PCM1: variants seen among roughly 807,000 people sequenced by gnomAD.
The protein encoded by PCM1 is pericentriolar material 1.
In PCM1, 157 loss-of-function variants were observed where a neutral mutation model predicts 241.9. The observed-to-expected ratio is 0.65, with a 90% confidence interval of 0.57 to 0.74. The LOEUF (loss-of-function observed/expected upper bound fraction) is 0.74. PCM1 is among the 30% of genes least tolerant of loss of function. The pLI is 0.00. For synonymous variants in PCM1, 1,085 were observed against 784.9 expected (o/e 1.38, Z -6.39); for missense variants, 3,478 against 2,360.1 (o/e 1.47, Z -9.81).
At position 18,014,707 on chromosome 8, in the gene PCM1, C is replaced by T. The variant is rs773298054; in HGVS notation, c.5708C>T (p.Pro1903Leu). 2 of 1,613,424 alleles carry T rather than the reference C, an allele frequency of 1.2e-6. No individual in the cohort carries two copies. Among genetic ancestry groups the T allele is most frequent in the Non-Finnish European group, 1.7e-6 (2 of 1,179,834 alleles). The change falls in exon 36 of 39, where the codon CCT becomes CTT. Residue 1903 changes from proline (P) to leucine (L), a missense_variant. Transcript: ENST00000325083. Reference sequence around the variant, plus strand: ...GTTGATTCAACTCAACAGCCTAACCCTTTGCCGTTACGTTTACCTGAAATG... The same window carrying T: ...GTTGATTCAACTCAACAGCCTAACCTTTTGCCGTTACGTTTACCTGAAATG... Reference protein sequence around the residue: ...PTVDSTQQPNPLPLRLPEMEP... With the variant: ...PTVDSTQQPNLLPLRLPEMEP...
At chr8:17,972,245 C>G in intron 22 of PCM1, 84 bp from the exon 23 acceptor site, 1 of 651,026 alleles carries the variant, frequency 1.5e-6, no homozygotes, top group Non-Finnish European at 2.2e-6. Flanking sequence ...CCTAAATCTA[C>G]TCGAGTAGAC....
chr8:17,972,725 AT>A, intron 23 of PCM1, 38 bp downstream of exon 23: 1 of 1,302,170 alleles, frequency 7.7e-7, no homozygotes, highest in Non-Finnish European at 1.0e-6. Context: ...ATCAGTGTAA[AT>A]TTTGGTAATC....
rs1291058035 is a variant in PCM1, at chr8:18,028,724, A to G, written c.*1062A>G. 1 of 200,404 alleles carries G rather than the reference A, an allele frequency of 5.0e-6. No homozygotes were observed. Among genetic ancestry groups the G allele is most frequent in the Non-Finnish European group, 1.0e-5 (1 of 96,940 alleles). The allele number at this position is 200,404 out of a possible 1,614,324, so 12.4% of individuals were successfully genotyped here. A position where few individuals can be genotyped will look rare whatever the true frequency, so the allele number is the denominator to read the frequency against. On this transcript the variant is annotated 3_prime_UTR_variant, in exon 39 of 39. Coordinates refer to ENST00000325083, the MANE Select transcript of PCM1 (RefSeq NM_006197.4). ...GTAAGGCTTCAAAAAACCAGTCAAC[A>G]ATGAGTAAGTCAATCTTATAGATTC... is the stretch of plus-strand genomic sequence containing the variant.
At chr8:17,929,338 CTA>C (rs1334954956) in intron 2 of PCM1, among the ~76,000 whole-genome samples, 1 of 152,190 alleles carries the variant, frequency 6.6e-6, no homozygotes, top group East Asian at 1.9e-4. Flanking sequence ...CTCTGCCTCT[CTA>C]TTTAATACCA....
At chr8:17,948,337 C>T (rs1488125893) in intron 7 of PCM1, among the ~76,000 whole-genome samples, 4 of 101,458 alleles carry the variant, frequency 3.9e-5, no homozygotes, top group African/African-American at 1.6e-4. Flanking sequence ...CAGAGTTTTG[C>T]TCTGTTGCCC....
At chr8:18,018,872 A>ATGTGTGTG (rs1564427691) in intron 36 of PCM1, among the ~76,000 whole-genome samples, 1,502 of 63,724 alleles carry the variant, frequency 0.024, 27 homozygotes, top group Non-Finnish European at 0.039. Flanking sequence ...ATATATATAT[A>ATGTGTGTG]TATATATACA....
At chr8:18,001,631 GTTTTC>G (rs1388580184) in intron 29 of PCM1, among the ~76,000 whole-genome samples, 3 of 152,152 alleles carry the variant, frequency 2.0e-5, no homozygotes, top group Admixed American at 6.5e-5. Flanking sequence ...AAAAGTAATT[GTTTTC>G]TTTTCATCTA....
At chr8:17,949,575 G>C (rs748980392) in intron 7 of PCM1, among the ~76,000 whole-genome samples, 1 of 149,616 alleles carries the variant, frequency 6.7e-6, no homozygotes, top group South Asian at 2.1e-4. Flanking sequence ...TTGGCTCACT[G>C]CAGCCTCTGC....
chr8:17,938,887 G>C lies in PCM1; in HGVS notation c.490G>C (p.Glu164Gln). 1.2e-6 allele frequency: 2 copies of C among 1,613,754 alleles called. No individual in the cohort carries two copies. Among genetic ancestry groups the C allele is most frequent in the Non-Finnish European group, 1.7e-6 (2 of 1,179,690 alleles). ...TGCATCTACAAACCCCCCAAACAGA[G>C]AAACGATTGGATCAGCACAGTGTAA... ...KDASTNPPNR[E>Q]TIGSAQCKEL... The change falls in exon 5 of 39, where the codon GAA becomes CAA. Residue 164 changes from glutamate (E) to glutamine (Q), a missense_variant. Physicochemically the swap from Glu to Gln is conservative, Grantham distance 29. Coordinates refer to ENST00000325083, the MANE Select transcript of PCM1 (RefSeq NM_006197.4).
intron 29 of PCM1, 47 bp from the exon 30 acceptor site, chr8:18,006,216 T>C: frequency 6.9e-7 from 1 of 1,455,908 alleles, no homozygotes; most frequent in South Asian, 1.3e-5. Flanking sequence ...TTTCTTTTTT[T>C]AAACAATAGG....
intron 23 of PCM1, among the ~76,000 whole-genome samples, chr8:17,980,025 G>A (rs1213146962): frequency 6.6e-6 from 1 of 151,464 alleles, no homozygotes; most frequent in Non-Finnish European, 1.5e-5. Context: ...TCAGTGGAAA[G>A]AGGGTAGGTA....
intron 26 of PCM1, 108 bp downstream of exon 26, chr8:17,986,195 C>A: frequency 1.3e-6 from 1 of 782,942 alleles, no homozygotes. Flanking sequence ...ATTTGATTTT[C>A]AGCTTTTTTT....
intron 29 of PCM1, among the ~76,000 whole-genome samples, chr8:18,000,693 C>T (rs1211206246): frequency 2.0e-5 from 3 of 152,106 alleles, no homozygotes; most frequent in Non-Finnish European, 4.4e-5. Flanking sequence ...GCGATCTCGG[C>T]TCACTGCAAC....
At chr8:18,014,063 TTTAA>T in intron 35 of PCM1, 27 bp downstream of exon 35, 4 of 1,264,212 alleles carry the variant, frequency 3.2e-6, no homozygotes, top group Non-Finnish European at 4.4e-6. Flanking sequence ...AGTCTTTGAT[TTTAA>T]GATAATTTCC....
rs150167801 is a variant in PCM1, at chr8:17,949,573, C to A, written c.962-1042C>A. ...ATACAGTGGGCGTGATCTTGGCTCA[C>A]TGCAGCCTCTGCCTCGCAGGTTCAA... is the stretch of plus-strand genomic sequence containing the variant. On this transcript the variant is annotated intron_variant, in intron 7 of 38. Coordinates refer to ENST00000325083, the MANE Select transcript of PCM1 (RefSeq NM_006197.4). 1.5e-3 allele frequency among the ~76,000 whole-genome samples: 220 copies of A among 148,992 alleles called. 1 individual carries two copies. The highest frequency in any genetic ancestry group is 5.2e-3 in the African/African-American group (211 of 40,372).
At chr8:17,935,442 A>G (rs1026399940) in intron 2 of PCM1, 147 bp from the exon 3 acceptor site, 134 of 568,270 alleles carry the variant, frequency 2.4e-4, no homozygotes, top group South Asian at 5.1e-4. Context: ...AGCTAAATCA[A>G]TTTGTCTGTG....
At chr8:17,991,518 A>G (rs543405086) in intron 27 of PCM1, 24 bp from the exon 28 acceptor site, 3 of 1,553,976 alleles carry the variant, frequency 1.9e-6, no homozygotes, top group Admixed American at 2.0e-5. Flanking sequence ...ACATACTCAA[A>G]AAATATTTTT....
chr8:18,006,943 C>G (rs1234850775), intron 30 of PCM1, among the ~76,000 whole-genome samples: 1 of 152,162 alleles, frequency 6.6e-6, no homozygotes, highest in Non-Finnish European at 1.5e-5. Context: ...AGGACAGGTA[C>G]TGGCAACTAA....
At chr8:17,949,157 A>G (rs539005176) in intron 7 of PCM1, among the ~76,000 whole-genome samples, 1 of 152,310 alleles carries the variant, frequency 6.6e-6, no homozygotes, top group East Asian at 1.9e-4. Context: ...TACTATTTCA[A>G]AAAGAATTTT....
Sources: gnomAD v4.1 joint callset for allele counts (sites outside exome capture counted in the v4.1 genomes callset) on GRCh38, gnomAD v4.1.1 for gene constraint, MANE v1.5 for transcripts, NCBI Gene and HGNC (gene_info 2026-07-23, HGNC 2026-07-21) for gene names.